The following IPCEF1 variants were observed in gnomAD, a reference collection of about 807,000 sequenced individuals.
IPCEF1 encodes the protein interaction protein for cytohesin exchange factors 1, also known as interactor protein for cytohesin exchange factors 1.
IPCEF1 carries 31 observed loss-of-function variants against 50.9 expected under a neutral mutation model. The ratio of observed to expected loss-of-function variants is 0.61; its 90% CI spans 0.46 to 0.82. The LOEUF is 0.82. Ranked by LOEUF, IPCEF1 falls within the 40% of genes least tolerant of loss-of-function variation. IPCEF1 has a pLI of 0.00. For synonymous variants in IPCEF1, 181 were observed against 192.0 expected (o/e 0.94, Z 0.47); for missense variants, 458 against 514.0 (o/e 0.89, Z 1.05).
chr6:154,277,637 T>C (rs1189557615), intron 2 of IPCEF1, among the ~76,000 whole-genome samples: 1 of 152,222 alleles, frequency 6.6e-6, no homozygotes, highest in Non-Finnish European at 1.5e-5. Flanking sequence ...GGCTCTTTTA[T>C]TGGTTGTTGT....
At chr6:154,164,029 A>AAAC (rs759689348) in intron 11 of IPCEF1, among the ~76,000 whole-genome samples, 8 of 152,220 alleles carry the variant, frequency 5.3e-5, no homozygotes, top group Admixed American at 3.9e-4. Flanking sequence ...AACTTTTCCA[A>AAAC]AACAACAACA....
At chr6:154,223,059 G>A in intron 6 of IPCEF1, 111 bp downstream of exon 6, 2 of 841,082 alleles carry the variant, frequency 2.4e-6, no homozygotes, top group African/African-American at 1.7e-5. Flanking sequence ...CAAATTCTCA[G>A]ACATTCCGAT....
intron 10 of IPCEF1, among the ~76,000 whole-genome samples, chr6:154,189,886 G>A (rs1457708699): frequency 2.6e-5 from 4 of 151,800 alleles, no homozygotes; most frequent in Admixed American, 6.6e-5. Flanking sequence ...GGAGGTTGCA[G>A]TGAGCCGAGA....
rs546159635 is a variant in IPCEF1, at chr6:154,185,218, A to G, written c.910+14450T>C. 8.5e-5 allele frequency among the ~76,000 whole-genome samples: 13 copies of G among 152,328 alleles called. No individual in the cohort carries two copies. In the East Asian group the frequency reaches 2.1e-3, roughly 25 times the overall value. ...AGAGCCTAGCAAGGGGTCTCATGCC[A>G]ATGGGTCCTGCCAAGGAGGAGGGTC... On this transcript the variant is annotated intron_variant, in intron 10 of 11. Coordinates refer to ENST00000367220, the MANE Select transcript of IPCEF1 (RefSeq NM_001130700.2).
chr6:154,354,033 G>A (rs766067922), intron 1 of IPCEF1, among the ~76,000 whole-genome samples: 6 of 152,176 alleles, frequency 3.9e-5, no homozygotes, highest in African/African-American at 1.2e-4. Context: ...ATTTTTAAGC[G>A]TGGCTCTGGC....
At chr6:154,247,073 G>C (rs1444526739) in intron 4 of IPCEF1, 4 of 390,696 alleles carry the variant, frequency 1.0e-5, no homozygotes, top group Non-Finnish European at 1.8e-5. Flanking sequence ...TATTCACCAA[G>C]AATAAGTTGA....
At chr6:154,254,384 G>A (rs898063774) in intron 3 of IPCEF1, among the ~76,000 whole-genome samples, 16 of 152,136 alleles carry the variant, frequency 1.1e-4, no homozygotes, top group Admixed American at 3.3e-4. Flanking sequence ...AGAGAGACAC[G>A]TCTTACATGG....
intron 1 of IPCEF1, among the ~76,000 whole-genome samples, chr6:154,351,488 T>A (rs939030889): frequency 6.6e-6 from 1 of 152,242 alleles, no homozygotes; most frequent in South Asian, 2.1e-4. Context: ...TCCTTTCCAC[T>A]ATCTCTTCAC....
chr6:154,161,196 A>G (rs1798986600), intron 11 of IPCEF1, among the ~76,000 whole-genome samples: 1 of 148,706 alleles, frequency 6.7e-6, no homozygotes, highest in Admixed American at 6.7e-5. Flanking sequence ...TCTTTACCCA[A>G]TTTTTTTCTT....
At chr6:154,172,635 A>G (rs1159243610) in intron 10 of IPCEF1, among the ~76,000 whole-genome samples, 2 of 152,170 alleles carry the variant, frequency 1.3e-5, no homozygotes, top group Non-Finnish European at 2.9e-5. Flanking sequence ...CTATGCTCAC[A>G]GTGTAAACAA....
intron 3 of IPCEF1, among the ~76,000 whole-genome samples, chr6:154,254,388 T>C (rs929332200): frequency 2.1e-4 from 32 of 152,108 alleles, no homozygotes; most frequent in African/African-American, 5.6e-4. Flanking sequence ...AGACACGTCT[T>C]ACATGGCAGC....
intron 5 of IPCEF1, among the ~76,000 whole-genome samples, chr6:154,239,386 C>T (rs1208343349): frequency 2.0e-5 from 3 of 152,186 alleles, no homozygotes; most frequent in African/African-American, 7.2e-5. Context: ...AATAAATAAA[C>T]TAAATGTCCA....
intron 1 of IPCEF1, among the ~76,000 whole-genome samples, chr6:154,318,812 T>C (rs117411581): frequency 0.024 from 3,709 of 151,952 alleles, 80 homozygotes; most frequent in Non-Finnish European, 0.033. Context: ...ATTCCATCCA[T>C]ACACAAAAGC....
intron 9 of IPCEF1, among the ~76,000 whole-genome samples, chr6:154,202,856 G>T (rs1357272608): frequency 2.0e-5 from 3 of 151,954 alleles, no homozygotes; most frequent in Admixed American, 1.3e-4. Context: ...AAAGAAGAAT[G>T]AAGGGAAAAA....
At chr6:154,324,160 C>A (rs1349309737) in intron 1 of IPCEF1, among the ~76,000 whole-genome samples, 1 of 152,230 alleles carries the variant, frequency 6.6e-6, no homozygotes, top group African/African-American at 2.4e-5. Flanking sequence ...GACAACATTT[C>A]AAACCAGCAG....
intron 11 of IPCEF1, among the ~76,000 whole-genome samples, chr6:154,162,333 C>T (rs901704497): frequency 1.3e-5 from 2 of 152,202 alleles, no homozygotes; most frequent in African/African-American, 4.8e-5. Context: ...AGCTAATGCT[C>T]TACTTTTTCC....
At chr6:154,344,411 T>C (rs1249605283) in intron 1 of IPCEF1, among the ~76,000 whole-genome samples, 1 of 152,216 alleles carries the variant, frequency 6.6e-6, no homozygotes, top group Middle Eastern at 3.2e-3. Context: ...ACTTACATCC[T>C]GTTTTTCAAC....
At chr6:154,240,839 T>A (rs1442765514) in intron 5 of IPCEF1, among the ~76,000 whole-genome samples, 1 of 152,204 alleles carries the variant, frequency 6.6e-6, no homozygotes, top group African/African-American at 2.4e-5. Flanking sequence ...CAATCACAAT[T>A]GTACAGACAT....
chr6:154,352,612 C>T (rs1026849947), intron 1 of IPCEF1, among the ~76,000 whole-genome samples: 1 of 152,206 alleles, frequency 6.6e-6, no homozygotes, highest in African/African-American at 2.4e-5. Flanking sequence ...CCGACTATCT[C>T]TCCTTTCTAA....
Sources: allele counts gnomAD v4.1 joint callset (sites outside exome capture counted in the v4.1 genomes callset), GRCh38; gene constraint gnomAD v4.1.1; transcripts MANE v1.5; gene names NCBI Gene and HGNC (gene_info 2026-07-23, HGNC 2026-07-21).